DNM3: variants seen among roughly 807,000 people sequenced by gnomAD.
DNM3 encodes dynamin 3, also known as dynamin-3.
A neutral mutation model predicts 101.6 loss-of-function variants in DNM3; 47 were observed. The ratio of observed to expected loss-of-function variants is 0.46; its 90% confidence interval spans 0.37 to 0.59. The LOEUF (loss-of-function observed/expected upper bound fraction) is 0.59. Ranked by LOEUF, DNM3 falls within the 20% of genes least tolerant of loss-of-function variation. The pLI is 0.00. For missense variants in DNM3, 849 were observed against 1,085.7 expected (o/e 0.78, Z 3.06); for synonymous variants, 385 against 387.9 (o/e 0.99, Z 0.09).
At chr1:172,315,252 A>C (rs578052895) in intron 16 of DNM3, among the ~76,000 whole-genome samples, 43 of 152,310 alleles carry the variant, frequency 2.8e-4, no homozygotes, top group African/African-American at 9.6e-4. Context: ...CATCACCATC[A>C]TCAAAGACCA....
chr1:172,080,359 C>T (rs1360232422), intron 11 of DNM3, among the ~76,000 whole-genome samples: 1 of 152,136 alleles, frequency 6.6e-6, no homozygotes, highest in Non-Finnish European at 1.5e-5. Flanking sequence ...CTGACTACAG[C>T]AGCTTTGTTG....
At chr1:172,414,186 C>G (rs188658865), downstream of DNM3, among the ~76,000 whole-genome samples, 21 of 152,270 alleles carry the variant, frequency 1.4e-4, no homozygotes, top group East Asian at 3.9e-3. Flanking sequence ...TCAAACTTTG[C>G]TTCCAAGCAC....
In DNM3 at chr1:172,411,698, G is replaced by A; in HGVS notation, c.*3857G>A. On this transcript the variant is annotated 3_prime_UTR_variant, in exon 21 of 21. Transcript: ENST00000627582. ...TGGCAAATGGCATAATTATTTGAAAGTGACAGGAATCTCCTCAGAATGAAG... is the reference window on the plus strand; with the variant it reads ...TGGCAAATGGCATAATTATTTGAAAATGACAGGAATCTCCTCAGAATGAAG... 1 of 985,308 alleles carries A rather than the reference G, an allele frequency of 1.0e-6. No individual in the cohort carries two copies. The highest frequency in any genetic ancestry group is 4.7e-5 in the South Asian group (1 of 21,290). 61.0% of individuals were successfully genotyped at this position (985,308 alleles called of 1,614,324 possible).
intron 13 of DNM3, among the ~76,000 whole-genome samples, chr1:172,116,104 T>A (rs1212835054): frequency 6.6e-6 from 1 of 152,234 alleles, no homozygotes; most frequent in East Asian, 1.9e-4. Flanking sequence ...GCACTTGCTA[T>A]GTAAATAGTG....
chr1:172,354,115 G>GAGAGAGAGAGAGAGAGAA (rs1231636563), intron 17 of DNM3, among the ~76,000 whole-genome samples: 2 of 146,576 alleles, frequency 1.4e-5, no homozygotes, highest in Non-Finnish European at 3.0e-5. Context: ...GTGTGTGTGA[G>GAGAGAGAGAGAGAGAGAA]AGAGAGAGAG....
intron 12 of DNM3, among the ~76,000 whole-genome samples, chr1:172,092,466 A>G (rs2053975597): frequency 6.6e-6 from 1 of 152,240 alleles, no homozygotes; most frequent in Admixed American, 6.5e-5. Flanking sequence ...TAATATCGAT[A>G]AAGCACTTAG....
At chr1:171,914,935 C>T (rs1571586747) in intron 1 of DNM3, among the ~76,000 whole-genome samples, 4 of 151,736 alleles carry the variant, frequency 2.6e-5, no homozygotes, top group South Asian at 4.2e-4. Context: ...GGGGGGACCT[C>T]GAGAAGACTC....
intron 20 of DNM3, chr1:172,393,829 T>TAA (rs1349154133): frequency 6.6e-6 from 1 of 152,666 alleles, no homozygotes. Context: ...GCATAATTAC[T>TAA]AAGAATAGAA....
At chr1:172,289,235 G>A (rs1231623638) in intron 15 of DNM3, among the ~76,000 whole-genome samples, 1 of 152,036 alleles carries the variant, frequency 6.6e-6, no homozygotes, top group Non-Finnish European at 1.5e-5. Flanking sequence ...TAAAATCTAG[G>A]GAAAAAGGTA....
chr1:172,133,542 A>G, intron 14 of DNM3: 1 of 668,814 alleles, frequency 1.5e-6, no homozygotes, highest in Non-Finnish European at 1.8e-6. Context: ...AGTTTCATCC[A>G]TTTAGATCAT....
chr1:172,010,045 T>C (rs1331708151), intron 4 of DNM3, among the ~76,000 whole-genome samples: 1 of 151,888 alleles, frequency 6.6e-6, no homozygotes, highest in Non-Finnish European at 1.5e-5. Context: ...CTTTTAATTG[T>C]AGCATTTAGA....
intron 18 of DNM3, chr1:172,386,898 T>G (rs780051059): frequency 9.0e-5 from 42 of 467,806 alleles, no homozygotes; most frequent in Non-Finnish European, 1.3e-4. Flanking sequence ...TCTACTCATC[T>G]CTATCATCCT....
intron 8 of DNM3, 131 bp downstream of exon 8, chr1:172,042,275 T>C (rs1261585165): frequency 8.1e-6 from 7 of 863,012 alleles, no homozygotes; most frequent in African/African-American, 3.5e-5. Flanking sequence ...CATATTCAGG[T>C]AATGAAATTC....
chr1:172,405,980 C>T (rs2070853543), intron 20 of DNM3, among the ~76,000 whole-genome samples: 1 of 151,678 alleles, frequency 6.6e-6, no homozygotes, highest in Non-Finnish European at 1.5e-5. Flanking sequence ...TTAGTTATTT[C>T]TTGATTCTAG....
At position 172,289,482 on chromosome 1, in the gene DNM3, C is replaced by T. The variant is rs557656930; in HGVS notation, c.1770-19246C>T. 1.6e-5 allele frequency: 13 copies of T among 796,174 alleles called. No individual in the cohort carries two copies. In the African/African-American group the frequency reaches 2.0e-4, roughly 12 times the overall value. The allele number at this position is 796,174 out of a possible 1,614,324, so 49.3% of individuals were successfully genotyped here. A position where few individuals can be genotyped will look rare whatever the true frequency, so the allele number is the denominator to read the frequency against. ...CTCATTTCTAATTTTGTTTTCTCAT[C>T]TTTTATATTACAGAATTCTGTTTTA... On this transcript the variant is annotated intron_variant, in intron 15 of 20. Transcript: ENST00000627582.
chr1:172,104,953 C>T lies in DNM3; in HGVS notation c.1545+12078C>T, dbSNP rs1304108411. 3.3e-5 allele frequency among the ~76,000 whole-genome samples: 5 copies of T among 152,196 alleles called. No individual in the cohort carries two copies. In the East Asian group the frequency reaches 9.6e-4, roughly 29 times the overall value. ...GGCAAGTTCCTTAATATCTCTGTTT[C>T]TCTGTTTCCTCATTTGCAAAAGGAG... On this transcript the variant is annotated intron_variant, in intron 13 of 20. Coordinates refer to ENST00000627582, the MANE Select transcript of DNM3 (RefSeq NM_015569.5).
At chr1:172,265,621 A>G (rs918575735) in intron 15 of DNM3, among the ~76,000 whole-genome samples, 2 of 152,232 alleles carry the variant, frequency 1.3e-5, no homozygotes, top group Non-Finnish European at 2.9e-5. Context: ...GGCATGGTCT[A>G]AACTAAGGAT....
intron 16 of DNM3, among the ~76,000 whole-genome samples, chr1:172,317,450 C>T (rs1557985304): frequency 6.6e-6 from 1 of 152,012 alleles, no homozygotes; most frequent in Non-Finnish European, 1.5e-5. Context: ...GAATCCAGAA[C>T]CTGGTTTTTA....
At chr1:172,050,012 C>A (rs1273356736) in intron 10 of DNM3, among the ~76,000 whole-genome samples, 2 of 152,106 alleles carry the variant, frequency 1.3e-5, no homozygotes, top group Non-Finnish European at 2.9e-5. Flanking sequence ...TCTTCCACCT[C>A]ATTTCCTAAA....
Sources: allele counts gnomAD v4.1 joint callset (sites outside exome capture counted in the v4.1 genomes callset), GRCh38; gene constraint gnomAD v4.1.1; transcripts MANE v1.5; gene names NCBI Gene and HGNC (gene_info 2026-07-23, HGNC 2026-07-21).